The following ATXN7L1 variants were observed in gnomAD, a reference collection of about 807,000 sequenced individuals.
ATXN7L1 encodes ataxin 7 like 1, also known as ataxin-7-like protein 1.
A neutral mutation model predicts 70.8 loss-of-function variants in ATXN7L1; 15 were observed. The ratio of observed to expected loss-of-function variants is 0.21; its 90% CI spans 0.14 to 0.33. The LOEUF (loss-of-function observed/expected upper bound fraction) is 0.33. ATXN7L1 is among the 10% of genes least tolerant of loss of function. The pLI is 1.00. For synonymous variants in ATXN7L1, 440 were observed against 445.1 expected (o/e 0.99, Z 0.14); for missense variants, 975 against 1,097.1 (o/e 0.89, Z 1.57).
chr7:105,671,376 C>G (rs903702045), intron 3 of ATXN7L1, among the ~76,000 whole-genome samples: 2 of 152,126 alleles, frequency 1.3e-5, no homozygotes, highest in African/African-American at 4.8e-5. Context: ...ATAGCTCTTG[C>G]TACACATTTC....
At chr7:105,746,941 C>T (rs573089938) in intron 3 of ATXN7L1, among the ~76,000 whole-genome samples, 1 of 152,272 alleles carries the variant, frequency 6.6e-6, no homozygotes, top group Admixed American at 6.5e-5. Flanking sequence ...TCACTGTATA[C>T]CCTTCTGTGA....
At chr7:105,819,524 T>C (rs1809756602) in intron 2 of ATXN7L1, 2 of 1,343,398 alleles carry the variant, frequency 1.5e-6, no homozygotes, top group Admixed American at 3.4e-5. Flanking sequence ...TGCTTGATGG[T>C]CGAGGCCATC....
intron 3 of ATXN7L1, among the ~76,000 whole-genome samples, chr7:105,744,954 T>TGG (rs1301080649): frequency 1.1e-4 from 17 of 152,118 alleles, no homozygotes; most frequent in African/African-American, 4.1e-4. Context: ...GCCAGGCTGG[T>TGG]CTTGAACTCC....
chr7:105,610,376 A>G (rs1390079192), intron 11 of ATXN7L1, among the ~76,000 whole-genome samples, 153 bp downstream of exon 11: 1 of 152,216 alleles, frequency 6.6e-6, no homozygotes, highest in African/African-American at 2.4e-5. Flanking sequence ...AAGGGCACAC[A>G]GCTAACTAGA....
chr7:105,875,855 T>C lies in ATXN7L1; in HGVS notation c.207A>G (p.Lys69=). 1 of 1,612,656 alleles carries C rather than the reference T, an allele frequency of 6.2e-7. No homozygotes were observed. The highest frequency in any genetic ancestry group is 8.5e-7 in the Non-Finnish European group (1 of 1,179,342). Residue 69 remains lysine, a synonymous_variant, in exon 2 of 12, where the codon AAA becomes AAG. Transcript: ENST00000419735. ...SDNVDLEEAG[K]EGGKSREVMR... is the part of the protein sequence containing the mutation. ...TAACCTCCCTGCTTTTTCCACCCTCTTTTCCAGCCTCTTCTAAATCTACAT... is the reference window on the plus strand; with the variant it reads ...TAACCTCCCTGCTTTTTCCACCCTCCTTTCCAGCCTCTTCTAAATCTACAT...
At chr7:105,674,051 C>A (rs1804215264) in intron 3 of ATXN7L1, among the ~76,000 whole-genome samples, 1 of 152,228 alleles carries the variant, frequency 6.6e-6, no homozygotes. Flanking sequence ...CCATTCCCTT[C>A]TCAGACTGCA....
chr7:105,636,789 G>T (rs1233112067), intron 7 of ATXN7L1, among the ~76,000 whole-genome samples: 1 of 152,204 alleles, frequency 6.6e-6, no homozygotes, highest in East Asian at 1.9e-4. Context: ...CCTTGAGAGG[G>T]TGTGGGGGAC....
At chr7:105,672,194 G>A (rs140472185) in intron 3 of ATXN7L1, among the ~76,000 whole-genome samples, 4,256 of 152,100 alleles carry the variant, frequency 0.028, 96 homozygotes, top group East Asian at 0.065. Context: ...GCTGAGGCAG[G>A]AGAATCACTT....
chr7:105,721,435 A>G (rs1795171560), intron 3 of ATXN7L1, among the ~76,000 whole-genome samples: 1 of 152,200 alleles, frequency 6.6e-6, no homozygotes. Flanking sequence ...GGAGCAGCTC[A>G]TCACTAATCA....
intron 3 of ATXN7L1, among the ~76,000 whole-genome samples, chr7:105,685,672 G>A (rs995342778): frequency 6.6e-6 from 1 of 152,182 alleles, no homozygotes; most frequent in Admixed American, 6.5e-5. Context: ...AGTATCAGCA[G>A]CAGGGAACCG....
chr7:105,816,725 G>A lies in ATXN7L1; in HGVS notation c.251-28017C>T, dbSNP rs145451368. ...AGCTGGGAGCTGGAATGCTCTGGAAGGTTCGTTCCTATGCAGGACAAGCCA... is the reference window on the plus strand; with the variant it reads ...AGCTGGGAGCTGGAATGCTCTGGAAAGTTCGTTCCTATGCAGGACAAGCCA... On this transcript the variant is annotated intron_variant, in intron 2 of 11. Transcript: ENST00000419735. 3.7e-4 allele frequency among the ~76,000 whole-genome samples: 56 copies of A among 152,338 alleles called. No homozygotes were observed. The South Asian group carries it at 4.1e-3, about 11-fold the overall frequency.
chr7:105,709,308 T>A (rs1584793707), intron 3 of ATXN7L1, among the ~76,000 whole-genome samples: 1 of 152,180 alleles, frequency 6.6e-6, no homozygotes, highest in Non-Finnish European at 1.5e-5. Flanking sequence ...CACTCCAGCA[T>A]GGGCAACAAG....
intron 3 of ATXN7L1, among the ~76,000 whole-genome samples, chr7:105,784,301 C>T (rs903218388): frequency 6.6e-6 from 1 of 152,022 alleles, no homozygotes; most frequent in Admixed American, 6.6e-5. Flanking sequence ...TGAATTAAAT[C>T]GTAGGACACT....
At chr7:105,832,590 A>G (rs569994839) in intron 2 of ATXN7L1, among the ~76,000 whole-genome samples, 1 of 152,324 alleles carries the variant, frequency 6.6e-6, no homozygotes, top group South Asian at 2.1e-4. Flanking sequence ...CCTTCTGTGC[A>G]CCAACAACTT....
At chr7:105,821,637 G>A (rs1810179566) in intron 2 of ATXN7L1, among the ~76,000 whole-genome samples, 1 of 152,258 alleles carries the variant, frequency 6.6e-6, no homozygotes, top group African/African-American at 2.4e-5. Context: ...AGGTTTTGGA[G>A]ACAGAGCAAT....
chr7:105,664,492 ATGTATAATATATG>A (rs1335241634), intron 4 of ATXN7L1, among the ~76,000 whole-genome samples: 1 of 100,886 alleles, frequency 9.9e-6, no homozygotes. Context: ...GTATACATAT[ATGTATAATATATG>A]TATAATATAT....
intron 3 of ATXN7L1, among the ~76,000 whole-genome samples, chr7:105,761,659 T>G (rs768630946): frequency 6.6e-6 from 1 of 152,174 alleles, no homozygotes; most frequent in Non-Finnish European, 1.5e-5. Flanking sequence ...TCCTCTAAAC[T>G]CTTTTCCATA....
chr7:105,732,850 A>G (rs1796731598), intron 3 of ATXN7L1, among the ~76,000 whole-genome samples: 1 of 152,154 alleles, frequency 6.6e-6, no homozygotes, highest in South Asian at 2.1e-4. Flanking sequence ...CCCACCAAGC[A>G]TGTTCCTGCC....
intron 8 of ATXN7L1, among the ~76,000 whole-genome samples, chr7:105,620,549 A>G (rs1252577426): frequency 6.6e-6 from 1 of 152,182 alleles, no homozygotes; most frequent in Non-Finnish European, 1.5e-5. Flanking sequence ...TTTCTGTGGC[A>G]CAGAAGGGGC....
Sources: gnomAD v4.1 joint callset for allele counts (sites outside exome capture counted in the v4.1 genomes callset) on GRCh38, gnomAD v4.1.1 for gene constraint, MANE v1.5 for transcripts, NCBI Gene and HGNC (gene_info 2026-07-23, HGNC 2026-07-21) for gene names.